Variants in CSMD1 observed in about 807,000 individuals in gnomAD.
The protein encoded by CSMD1 is CUB and sushi domain-containing protein 1.
CSMD1 carries 213 observed loss-of-function variants against 417.5 expected under a neutral mutation model. The ratio of observed to expected loss-of-function variants is 0.51; its 90% CI spans 0.46 to 0.57. The LOEUF is 0.57. CSMD1 is among the 20% of genes least tolerant of loss of function. CSMD1 has a pLI of 0.00. For synonymous variants in CSMD1, 2,862 were observed against 1,736.8 expected, an observed-to-expected ratio of 1.65 and a Z score of -16.11; for missense variants, 6,923 against 4,529.7, an observed-to-expected ratio of 1.53 and a Z score of -15.17.
intron 1 of CSMD1, among the ~76,000 whole-genome samples, chr8:4,664,376 AT>A: frequency 6.6e-6 from 1 of 152,262 alleles, no homozygotes; most frequent in East Asian, 1.9e-4. Flanking sequence ...CCTGGGCAAC[AT>A]GGTGAAACCC....
chr8:3,788,569 A>G (rs1799567886), intron 5 of CSMD1, among the ~76,000 whole-genome samples: 1 of 152,236 alleles, frequency 6.6e-6, no homozygotes, highest in Non-Finnish European at 1.5e-5. Flanking sequence ...CAATTAATTT[A>G]ATGCATTAAA....
intron 2 of CSMD1, among the ~76,000 whole-genome samples, chr8:4,595,963 G>C (rs545764763): frequency 6.6e-4 from 101 of 152,078 alleles, no homozygotes; most frequent in African/African-American, 2.2e-3. Flanking sequence ...TGTACCACTT[G>C]TACAGCCTCA....
intron 5 of CSMD1, among the ~76,000 whole-genome samples, chr8:3,822,310 G>A (rs181403198): frequency 8.4e-4 from 128 of 152,204 alleles, no homozygotes; most frequent in African/African-American, 2.8e-3. Context: ...GGAAGAACAG[G>A]TGTTTTAAAT....
intron 1 of CSMD1, among the ~76,000 whole-genome samples, chr8:4,661,627 C>T (rs1219087230): frequency 2.0e-5 from 3 of 152,040 alleles, no homozygotes; most frequent in Middle Eastern, 3.4e-3. Context: ...AAGATGTTAC[C>T]GTAAGGGGAA....
rs190808714 is a variant in CSMD1, at chr8:4,798,960, T to C, written c.86-161402A>G. ...TTCTTGATCTGCCCTCCAAATTCACTCTCCATGCTTCTGCACGCCCACATC... is the reference window on the plus strand; with the variant it reads ...TTCTTGATCTGCCCTCCAAATTCACCCTCCATGCTTCTGCACGCCCACATC... On this transcript the variant is annotated intron_variant, in intron 1 of 69. Coordinates refer to ENST00000635120, the MANE Select transcript of CSMD1 (RefSeq NM_033225.6). Among the ~76,000 whole-genome samples the C allele has an allele frequency of 3.9e-3, 601 of 152,266 alleles. 4 individuals carry two copies. The highest frequency in any genetic ancestry group is 0.014 in the African/African-American group (569 of 41,556).
Position 3,703,549 on chromosome 8 carries a change from G to T in CSMD1, c.1009+4865C>A, listed in dbSNP as rs114050101. Among the ~76,000 whole-genome samples, 354 of 152,186 alleles carry T rather than the reference G, an allele frequency of 2.3e-3. 1 individual carries two copies. The highest frequency in any genetic ancestry group is 8.2e-3 in the African/African-American group (341 of 41,498). On this transcript the variant is annotated intron_variant, in intron 7 of 69. Coordinates refer to ENST00000635120, the MANE Select transcript of CSMD1 (RefSeq NM_033225.6). ...GATGAGGAGGTATGGTGTGTGATCT[G>T]TGGGTCATGGATGGGAAAACCCCAA...
intron 25 of CSMD1, among the ~76,000 whole-genome samples, chr8:3,299,698 G>A (rs895896478): frequency 2.0e-5 from 3 of 152,148 alleles, no homozygotes; most frequent in African/African-American, 7.2e-5. Context: ...CAGGTGGGAG[G>A]TGAAGTGCAC....
intron 3 of CSMD1, among the ~76,000 whole-genome samples, chr8:4,125,547 T>A (rs1039250901): frequency 6.6e-6 from 1 of 152,212 alleles, no homozygotes; most frequent in East Asian, 1.9e-4. Context: ...AGCCTCAACT[T>A]TGTTAAAAAT....
At chr8:4,613,962 G>A (rs571565883) in intron 2 of CSMD1, among the ~76,000 whole-genome samples, 111 of 148,880 alleles carry the variant, frequency 7.5e-4, no homozygotes, top group African/African-American at 2.6e-3. Flanking sequence ...AATTTTTATT[G>A]TTAGGAATCT....
rs988034319 is a variant in CSMD1 at position 4,994,727 on chromosome 8, G to C, written c.-311C>G. ...CACCAAGGCGGCGAGGCTGCGGGAG[G>C]GGGAGAAGCGGGGAGAGGAGCGCGC... On this transcript the variant is annotated 5_prime_UTR_variant, in exon 1 of 70. Transcript: ENST00000635120. The C allele has an allele frequency of 2.1e-5, 7 of 333,726 alleles. No individual in the cohort carries two copies. The East Asian group carries it at 2.5e-4, about 12-fold the overall frequency. The allele number at this position is 333,726 out of a possible 1,614,324, so 20.7% of individuals were successfully genotyped here.
At chr8:3,877,864 C>T (rs1805935143) in intron 5 of CSMD1, among the ~76,000 whole-genome samples, 1 of 151,956 alleles carries the variant, frequency 6.6e-6, no homozygotes, top group Non-Finnish European at 1.5e-5. Context: ...GACAAACAAA[C>T]ATTACTAAAC....
At chr8:3,361,974 A>T (rs538443766) in intron 20 of CSMD1, among the ~76,000 whole-genome samples, 1 of 152,170 alleles carries the variant, frequency 6.6e-6, no homozygotes, top group Non-Finnish European at 1.5e-5. Flanking sequence ...CAAGGTGTGC[A>T]TGTTCATCTT....
At chr8:4,708,469 G>C (rs1011107748) in intron 1 of CSMD1, among the ~76,000 whole-genome samples, 2 of 152,176 alleles carry the variant, frequency 1.3e-5, no homozygotes, top group African/African-American at 4.8e-5. Context: ...CAATGAAAAA[G>C]TAATGGTTAC....
chr8:3,693,117 T>C (rs780788261), intron 7 of CSMD1, among the ~76,000 whole-genome samples: 4 of 152,110 alleles, frequency 2.6e-5, no homozygotes, highest in African/African-American at 4.8e-5. Flanking sequence ...TAGAGATAAA[T>C]AGATACCAAT....
chr8:3,194,979 G>T (rs181356823), intron 33 of CSMD1, among the ~76,000 whole-genome samples: 2 of 152,046 alleles, frequency 1.3e-5, no homozygotes, highest in Non-Finnish European at 2.9e-5. Flanking sequence ...TGGGCACTGC[G>T]GAAGGGGTTC....
intron 3 of CSMD1, among the ~76,000 whole-genome samples, chr8:4,087,198 G>C (rs1383637940): frequency 6.6e-6 from 1 of 152,132 alleles, no homozygotes; most frequent in African/African-American, 2.4e-5. Flanking sequence ...GCACAACTTA[G>C]CAGCCACCCT....
intron 12 of CSMD1, among the ~76,000 whole-genome samples, chr8:3,414,412 G>C (rs929163449): frequency 6.6e-6 from 1 of 151,998 alleles, no homozygotes; most frequent in Admixed American, 6.6e-5. Context: ...AATTTTCTCT[G>C]TTGCTCTAGC....
In CSMD1 at chr8:4,070,531, G is replaced by C. The variant is rs530918966; in HGVS notation, c.416-38432C>G. 5.3e-5 allele frequency among the ~76,000 whole-genome samples: 8 copies of C among 152,120 alleles called. No individual in the cohort carries two copies. The South Asian group carries it at 1.7e-3, about 32-fold the overall frequency. ...CGCCACCACGGCCGGCTATTTTTTTGTATTTTTAGTAGAGACGGGGTTTCA... is the reference window on the plus strand; with the variant it reads ...CGCCACCACGGCCGGCTATTTTTTTCTATTTTTAGTAGAGACGGGGTTTCA... On this transcript the variant is annotated intron_variant, in intron 3 of 69. Transcript: ENST00000635120.
chr8:4,233,663 C>A (rs1432031839), intron 3 of CSMD1, among the ~76,000 whole-genome samples: 3 of 152,118 alleles, frequency 2.0e-5, no homozygotes, highest in Non-Finnish European at 4.4e-5. Flanking sequence ...AAGCAAATTT[C>A]TGTGCTTTAT....
Sources: allele counts gnomAD v4.1 joint callset (sites outside exome capture counted in the v4.1 genomes callset), GRCh38; gene constraint gnomAD v4.1.1; transcripts MANE v1.5; gene names NCBI Gene and HGNC (gene_info 2026-07-23, HGNC 2026-07-21).